Variants in SPECC1 observed in about 807,000 individuals in gnomAD.
SPECC1 encodes sperm antigen with calponin homology and coiled-coil domains 1, also known as cytospin-B.
In SPECC1, 62 loss-of-function variants were observed where a neutral mutation model predicts 104.1. That is an observed-to-expected ratio of 0.60 (90% CI 0.49 to 0.74). The LOEUF is 0.74. SPECC1 is among the 30% of genes least tolerant of loss of function. The pLI, the probability that SPECC1 is intolerant of heterozygous loss-of-function variation, is 0.00. For missense variants in SPECC1, 1,306 were observed against 1,310.5 expected, an observed-to-expected ratio of 1.00 and a Z score of 0.05; for synonymous variants, 513 against 501.6, an observed-to-expected ratio of 1.02 and a Z score of -0.30.
intron 3 of SPECC1, among the ~76,000 whole-genome samples, chr17:20,151,910 A>G (rs1036241410): frequency 6.6e-6 from 1 of 151,694 alleles, no homozygotes; most frequent in Admixed American, 6.6e-5. Flanking sequence ...TTAGCTGGGC[A>G]TGGTGGCAGG....
chr17:20,294,944 G>T lies in SPECC1; in HGVS notation c.2941-2017G>T, dbSNP rs192935976. 1.6e-3 allele frequency among the ~76,000 whole-genome samples: 238 copies of T among 152,180 alleles called. 2 individuals are homozygous for T. The highest frequency in any genetic ancestry group is 5.4e-3 in the African/African-American group (223 of 41,532). ...GCCATTCCTGGTACCAAAACAAAAT[G>T]TACTCTGAGCAAATTTGGGAAGTTT... On this transcript the variant is annotated intron_variant, in intron 12 of 14. Coordinates refer to ENST00000395527, the MANE Select transcript of SPECC1 (RefSeq NM_001243439.2).
intron 12 of SPECC1, among the ~76,000 whole-genome samples, chr17:20,280,606 G>A (rs1462983428): frequency 6.6e-6 from 1 of 152,240 alleles, no homozygotes; most frequent in East Asian, 1.9e-4. Flanking sequence ...TGTGATGATG[G>A]GAATGTTCTA....
At chr17:20,181,380 A>G (rs2034875838) in intron 3 of SPECC1, among the ~76,000 whole-genome samples, 1 of 152,140 alleles carries the variant, frequency 6.6e-6, no homozygotes, top group Admixed American at 6.6e-5. Context: ...CAAATAATGG[A>G]AATTATTCTT....
intron 1 of SPECC1, among the ~76,000 whole-genome samples, chr17:20,077,449 CTTTT>C (rs939295547): frequency 3.3e-5 from 5 of 151,210 alleles, no homozygotes; most frequent in African/African-American, 1.2e-4. Flanking sequence ...GCTTTTGTGG[CTTTT>C]TTTTGTTTGT....
At chr17:20,303,024 A>G (rs887699158) in intron 13 of SPECC1, among the ~76,000 whole-genome samples, 36 of 152,152 alleles carry the variant, frequency 2.4e-4, no homozygotes, top group African/African-American at 7.2e-4. Flanking sequence ...AAAACAATAA[A>G]ATATTTTTAG....
At chr17:20,040,290 C>A (rs903910446) in intron 1 of SPECC1, among the ~76,000 whole-genome samples, 1 of 152,056 alleles carries the variant, frequency 6.6e-6, no homozygotes, top group Non-Finnish European at 1.5e-5. Context: ...ATTTATAATT[C>A]TCTGCATACA....
At chr17:20,155,003 A>G (rs971392781) in intron 3 of SPECC1, among the ~76,000 whole-genome samples, 2 of 152,194 alleles carry the variant, frequency 1.3e-5, no homozygotes, top group Non-Finnish European at 2.9e-5. Context: ...AGGTGTCAAG[A>G]AGGTAGTTGG....
At chr17:20,120,012 A>T (rs1230303772) in intron 3 of SPECC1, among the ~76,000 whole-genome samples, 1 of 152,246 alleles carries the variant, frequency 6.6e-6, no homozygotes, top group Non-Finnish European at 1.5e-5. Context: ...TCCAAAATAA[A>T]AAATCAGAAA....
rs112315415 is a variant in SPECC1, at chr17:20,262,839, C to T, written c.2940+2545C>T. On this transcript the variant is annotated intron_variant, in intron 12 of 14. Transcript: ENST00000395527. The stretch of plus-strand genomic sequence containing the variant: ...AGAATCTACCCAGAGTATGTGTATC[C>T]TGTATCTTTGCCATTACCTTCTTTT... Among the ~76,000 whole-genome samples the T allele has an allele frequency of 3.0e-4, 45 of 152,202 alleles. 2 individuals carry two copies. Among genetic ancestry groups the T allele is most frequent in the African/African-American group, 1.1e-3 (44 of 41,554 alleles).
intron 12 of SPECC1, among the ~76,000 whole-genome samples, chr17:20,265,543 G>T (rs1410544204): frequency 6.6e-6 from 1 of 152,144 alleles, no homozygotes; most frequent in Non-Finnish European, 1.5e-5. Flanking sequence ...TCTATGGGTT[G>T]TCTGTTAACT....
At position 20,314,027 on chromosome 17, in the gene SPECC1, C is replaced by T. The variant is rs2041999840; in HGVS notation, c.3169C>T (p.Gln1057Ter). 2 of 1,614,048 alleles carry T rather than the reference C, an allele frequency of 1.2e-6. No individual in the cohort carries two copies. The highest frequency in any genetic ancestry group is 1.7e-5 in the Admixed American group (1 of 60,004). Reference sequence around the variant, plus strand: ...CCGGCCCGACTGGCAGAGTGTGATGCAGTACGTGGCCCAAATCTACAAGTA... The same window carrying T: ...CCGGCCCGACTGGCAGAGTGTGATGTAGTACGTGGCCCAAATCTACAAGTA... ...TDRPDWQSVMQYVAQIYKYFE... is the reference protein window; with the variant it reads ...TDRPDWQSVM Residue 1057 changes from glutamine (Q) to a stop codon, truncating the protein, a stop_gained, in exon 15 of 15, where the codon CAG (glutamine) becomes TAG (stop). Transcript: ENST00000395527. LOFTEE classifies it high-confidence loss of function.
At chr17:20,235,669 AT>A (rs1163435243) in intron 7 of SPECC1, among the ~76,000 whole-genome samples, 3 of 152,220 alleles carry the variant, frequency 2.0e-5, no homozygotes, top group Non-Finnish European at 4.4e-5. Flanking sequence ...GAAACAGCAA[AT>A]GCCATTACTT....
At chr17:20,023,716 T>A (rs78880073) in intron 1 of SPECC1, among the ~76,000 whole-genome samples, 10,464 of 151,862 alleles carry the variant, frequency 0.069, 965 homozygotes, top group African/African-American at 0.21. Context: ...CAAGAAAGAC[T>A]CTGAATAAAA....
At chr17:20,142,984 G>A (rs2031007443) in intron 3 of SPECC1, among the ~76,000 whole-genome samples, 1 of 151,954 alleles carries the variant, frequency 6.6e-6, no homozygotes, top group Non-Finnish European at 1.5e-5. Flanking sequence ...TTGGTTGACA[G>A]AGTGAGACCC....
chr17:20,246,279 ACAAATG>A (rs1247831476), intron 8 of SPECC1, among the ~76,000 whole-genome samples: 4 of 152,188 alleles, frequency 2.6e-5, no homozygotes, highest in Non-Finnish European at 4.4e-5. Flanking sequence ...CATGAATAAC[ACAAATG>A]CAGCCTCTTC....
intron 3 of SPECC1, among the ~76,000 whole-genome samples, chr17:20,180,066 T>TA (rs1276299079): frequency 6.6e-6 from 1 of 152,102 alleles, no homozygotes; most frequent in Non-Finnish European, 1.5e-5. Flanking sequence ...AAGGTTTAAT[T>TA]AAGAGTGTTA....
chr17:20,087,991 C>G (rs1459777234), intron 1 of SPECC1, among the ~76,000 whole-genome samples: 1 of 152,146 alleles, frequency 6.6e-6, no homozygotes, highest in African/African-American at 2.4e-5. Context: ...ACAGAGGGAA[C>G]AGCAGGGTCA....
At position 20,009,561 on chromosome 17, in the gene SPECC1, G is replaced by A. The variant is rs1158421767; in HGVS notation, c.-22+137G>A. The stretch of plus-strand genomic sequence containing the variant: ...GGCACGGGACTGCCTTTCTGGGAAG[G>A]CGTGCTGCGTCTTCGCCGCGGGGGC... On this transcript the variant is annotated intron_variant, in intron 1 of 14. Transcript: ENST00000395527. This position sits in a 1 kb window ranked among gnomAD's most constrained non-coding sequence, Gnocchi z 5.2. 1.3e-5 allele frequency: 2 copies of A among 152,498 alleles called. No individual in the cohort carries two copies. The highest frequency in any genetic ancestry group is 2.4e-5 in the African/African-American group (1 of 41,440). The allele number at this position is 152,498 out of a possible 1,614,324, so 9.4% of individuals were successfully genotyped here. A position where few individuals can be genotyped will look rare whatever the true frequency, so the allele number is the denominator to read the frequency against.
intron 7 of SPECC1, among the ~76,000 whole-genome samples, chr17:20,239,881 T>G (rs932097615): frequency 5.1e-4 from 5 of 9,844 alleles, no homozygotes; most frequent in Non-Finnish European, 7.7e-4. Context: ...TCGCTGAGTT[T>G]TTTTTTTTTT....
Sources: allele counts gnomAD v4.1 joint callset (sites outside exome capture counted in the v4.1 genomes callset), GRCh38; gene constraint gnomAD v4.1.1; non-coding constraint Gnocchi (gnomAD v3.1); transcripts MANE v1.5; gene names NCBI Gene and HGNC (gene_info 2026-07-23, HGNC 2026-07-21).